Variants in ZZEF1 observed in about 807,000 individuals in gnomAD.
ZZEF1 encodes zinc finger ZZ-type and EF-hand domain-containing protein 1.
Under a neutral mutation model 342.8 loss-of-function variants are expected in ZZEF1, and 157 were observed. The observed-to-expected ratio is 0.46, with a 90% confidence interval of 0.40 to 0.52. The LOEUF (loss-of-function observed/expected upper bound fraction) is 0.52. Ranked by LOEUF, ZZEF1 falls within the 20% of genes least tolerant of loss-of-function variation. ZZEF1 has a pLI of 0.00. For missense variants in ZZEF1, 3,480 were observed against 3,725.6 expected (o/e 0.93, Z 1.72); for synonymous variants, 1,505 against 1,429.1 (o/e 1.05, Z -1.20).
intron 42 of ZZEF1, among the ~76,000 whole-genome samples, chr17:4,027,439 C>T (rs757559057): frequency 7.3e-5 from 11 of 151,388 alleles, no homozygotes; most frequent in Admixed American, 1.3e-4. Flanking sequence ...GGATTACAGG[C>T]GCACACCACC....
rs2055783640 is a variant in ZZEF1, at chr17:4,005,550, A to G, written c.*1340T>C. 4 of 152,464 alleles carry G rather than the reference A, an allele frequency of 2.6e-5. No individual in the cohort carries two copies. The highest frequency in any genetic ancestry group is 1.9e-4 in the East Asian group (1 of 5,194). 9.4% of individuals were successfully genotyped at this position (152,464 alleles called of 1,614,324 possible). ...CCTTGGAGTCCTGACCCAGAAGGCGAAAGTGCTCTTATAGGAAGATGCTTC... is the reference window on the plus strand; with the variant it reads ...CCTTGGAGTCCTGACCCAGAAGGCGGAAGTGCTCTTATAGGAAGATGCTTC... On this transcript the variant is annotated 3_prime_UTR_variant, in exon 55 of 55. Transcript: ENST00000381638.
chr17:4,087,408 T>A lies in ZZEF1; in HGVS notation c.2342+26A>T, dbSNP rs750506479. The A allele has an allele frequency of 9.6e-6, 15 of 1,565,448 alleles. No homozygotes were observed. The Admixed American group carries it at 2.8e-4, about 29-fold the overall frequency. On this transcript the variant is annotated intron_variant, in intron 14 of 54. Transcript: ENST00000381638. Reference sequence around the variant, plus strand: ...TCATTGTTTTCAGTTTATGTGCTTATCACCTTATAACAAATTCTGACCTAC... The same window carrying A: ...TCATTGTTTTCAGTTTATGTGCTTAACACCTTATAACAAATTCTGACCTAC...
chr17:4,072,754 A>T lies in ZZEF1; in HGVS notation c.3688T>A (p.Leu1230Ile). 6.2e-7 allele frequency: 1 copy of T among 1,610,272 alleles called. No homozygotes were observed. The highest frequency in any genetic ancestry group is 8.5e-7 in the Non-Finnish European group (1 of 1,177,946). ...TGAGGTACTACCATGTTACTTCCTA[A>T]CTCTAGAAAGAGAAGAAGACATATG... ...QCMALKSVRQLGSNMVVPQAK... is the reference protein window; with the variant it reads ...QCMALKSVRQIGSNMVVPQAK... The change falls in exon 25 of 55, where the codon TTA becomes ATA. Residue 1230 changes from leucine to isoleucine, a missense_variant and splice_region_variant. Physicochemically the swap from Leu to Ile is conservative, Grantham distance 5 (BLOSUM62 2). Around this residue, in one of 5 missense-constraint regions of ZZEF1, gnomAD observed 1,528 missense variants for 1,624.1 expected, o/e 0.94. Transcript: ENST00000381638.
chr17:4,073,662 A>G (rs1334416033), intron 24 of ZZEF1, among the ~76,000 whole-genome samples: 1 of 151,858 alleles, frequency 6.6e-6, no homozygotes, highest in East Asian at 1.9e-4. Context: ...CTGGTTTCAA[A>G]CTCCTGGGAT....
intron 7 of ZZEF1, 25 bp downstream of exon 7, chr17:4,105,668 T>C: frequency 6.5e-7 from 1 of 1,538,174 alleles, no homozygotes; most frequent in Non-Finnish European, 9.0e-7. Context: ...CTCACAGAGT[T>C]TACCCTCATC....
At position 4,062,932 on chromosome 17, in the gene ZZEF1, C is replaced by T. The variant is rs750104292; in HGVS notation, c.4719-15G>A. ...CCTTCACAACACTGGAGACACAATG[C>T]AAGTCAGGAACACCCAGAAAACTCT... On this transcript the variant is annotated splice_polypyrimidine_tract_variant and intron_variant, in intron 29 of 54. Transcript: ENST00000381638. 12 of 1,595,932 alleles carry T rather than the reference C, an allele frequency of 7.5e-6. No homozygotes were observed. The East Asian group carries it at 2.2e-4, about 30-fold the overall frequency.
At chr17:4,062,574 G>A (rs993932119) in intron 30 of ZZEF1, among the ~76,000 whole-genome samples, 179 bp downstream of exon 30, 9 of 151,982 alleles carry the variant, frequency 5.9e-5, no homozygotes, top group Admixed American at 4.6e-4. Context: ...ATATGTTCCC[G>A]GCAGTTACAT....
intron 42 of ZZEF1, among the ~76,000 whole-genome samples, chr17:4,029,066 C>T (rs1271489679): frequency 1.3e-5 from 2 of 152,136 alleles, no homozygotes; most frequent in African/African-American, 2.4e-5. Context: ...GTAGATAAAA[C>T]ATCAGTAAGG....
intron 4 of ZZEF1, 64 bp downstream of exon 4, chr17:4,114,235 T>C: frequency 7.7e-7 from 1 of 1,292,378 alleles, no homozygotes; most frequent in Non-Finnish European, 1.0e-6. Context: ...ATACAAAGAG[T>C]AGGCAGTTAA....
rs140876192 is a variant in ZZEF1 at position 4,070,863 on chromosome 17, G to A, written c.3896C>T (p.Pro1299Leu). 4 of 1,614,012 alleles carry A rather than the reference G, an allele frequency of 2.5e-6. No individual in the cohort carries two copies. The African/African-American group carries it at 5.3e-5, about 22-fold the overall frequency. ...HFLLDFAQSE[P>L]AQNFCGPYSE... Reference sequence around the variant, plus strand: ...ATATGGCCCACAGAAGTTCTGAGCAGGCTCTGACTGGGCAAAATCAAGAAG... The same window carrying A: ...ATATGGCCCACAGAAGTTCTGAGCAAGCTCTGACTGGGCAAAATCAAGAAG... The change falls in exon 26 of 55, where the codon CCT (proline) becomes CTT (leucine). Residue 1299 changes from proline (P) to leucine (L), a missense_variant. Transcript: ENST00000381638.
At chr17:4,069,521 G>T (rs1357900311) in intron 26 of ZZEF1, among the ~76,000 whole-genome samples, 1 of 152,182 alleles carries the variant, frequency 6.6e-6, no homozygotes, top group South Asian at 2.1e-4. Flanking sequence ...AAGGTGGTAG[G>T]AATAAAAATA....
rs766017830 is a variant in ZZEF1, at chr17:4,076,963, T to C, written c.3016A>G (p.Arg1006Gly). 1 of 1,614,014 alleles carries C rather than the reference T, an allele frequency of 6.2e-7. No homozygotes were observed. ...KYVGQFLASM[R>G]AILESLFSQY... ...GAGAAAAGGGATTCCAAAATCGCTC[T>C]CATGCTTGCCAGAAACTGGCCCACA... Residue 1006 changes from arginine (R) to glycine (G), a missense_variant, in exon 20 of 55, where the codon AGA becomes GGA. Around this residue, in one of 5 missense-constraint regions of ZZEF1, gnomAD observed 1,528 missense variants for 1,624.1 expected, o/e 0.94. Coordinates refer to ENST00000381638, the MANE Select transcript of ZZEF1 (RefSeq NM_015113.4).
At chr17:4,022,853 T>G in intron 43 of ZZEF1, 25 bp from the exon 44 acceptor site, 3 of 1,612,450 alleles carry the variant, frequency 1.9e-6, no homozygotes, top group Non-Finnish European at 2.5e-6. Context: ...AAGAATGATG[T>G]GTGACTGCCT....
rs145329689 is a variant in ZZEF1, at chr17:4,017,622, G to A, written c.7750C>T (p.Arg2584Cys). Reference protein sequence around the residue: ...ELQQSYAKQRRSKSAALLHKE... With the variant: ...ELQQSYAKQRCSKSAALLHKE... ...TGCAGGAGGGCGGCGCTCTTGCTACGGCGCTGCTTGGCATAGCTCTGCTGC... is the reference window on the plus strand; with the variant it reads ...TGCAGGAGGGCGGCGCTCTTGCTACAGCGCTGCTTGGCATAGCTCTGCTGC... The change falls in exon 48 of 55, where the codon CGT (arginine) becomes TGT (cysteine). Residue 2584 changes from arginine to cysteine, a missense_variant. By Grantham distance (180) the Arg-to-Cys change is radical (BLOSUM62 -3). This residue lies in a region of ZZEF1 where 1,269 missense variants were observed against 1,342.4 expected (regional missense o/e 0.95). Transcript: ENST00000381638. This position sits in a 1 kb window ranked among gnomAD's most constrained non-coding sequence, Gnocchi z 5.1. The A allele has an allele frequency of 8.7e-6, 14 of 1,614,174 alleles. No individual in the cohort carries two copies. Among genetic ancestry groups the A allele is most frequent in the East Asian group, 2.2e-5 (1 of 44,886 alleles).
intron 1 of ZZEF1, among the ~76,000 whole-genome samples, chr17:4,132,961 A>C (rs192075553): frequency 1.3e-5 from 2 of 148,796 alleles, no homozygotes; most frequent in African/African-American, 2.6e-5. Flanking sequence ...GCGAGACTCC[A>C]TCTCAAAAAA....
In ZZEF1 at chr17:4,008,873, G is replaced by A. The variant is rs750983587; in HGVS notation, c.8805+10C>T. 3.8e-5 allele frequency: 58 copies of A among 1,546,294 alleles called. No homozygotes were observed. The highest frequency in any genetic ancestry group is 1.7e-4 in the Middle Eastern group (1 of 6,010). ...CCTGGGGGCCAGCTCTGTTGGGGTG[G>A]AGAGAGTACCTGTGCCGCACAGCGG... On this transcript the variant is annotated intron_variant, in intron 54 of 54. Coordinates refer to ENST00000381638, the MANE Select transcript of ZZEF1 (RefSeq NM_015113.4). The surrounding 1 kb of genome is among the most constrained non-coding windows in gnomAD (Gnocchi z 4.2).
chr17:4,082,289 A>G, intron 17 of ZZEF1, 148 bp downstream of exon 17: 1 of 660,976 alleles, frequency 1.5e-6, no homozygotes, highest in Non-Finnish European at 2.6e-6. Context: ...TTATTTTACC[A>G]CTATTTGGGT....
intron 46 of ZZEF1, among the ~76,000 whole-genome samples, chr17:4,018,828 G>A (rs2056186742): frequency 6.6e-6 from 1 of 151,866 alleles, no homozygotes; most frequent in Non-Finnish European, 1.5e-5. Flanking sequence ...TGGACTAATG[G>A]TGCACTCCCT....
At chr17:4,077,808 G>A in intron 19 of ZZEF1, 75 bp downstream of exon 19, 3 of 1,505,836 alleles carry the variant, frequency 2.0e-6, no homozygotes, top group Non-Finnish European at 2.7e-6. Context: ...CATTGCATGA[G>A]TTACTAAAGA....
Sources: gnomAD v4.1 joint callset for allele counts (sites outside exome capture counted in the v4.1 genomes callset) on GRCh38, gnomAD v4.1.1 for gene constraint, gnomAD v4.1.1 regional missense constraint, Gnocchi (gnomAD v3.1) non-coding constraint, MANE v1.5 for transcripts, NCBI Gene and HGNC (gene_info 2026-07-23, HGNC 2026-07-21) for gene names.